The following CTIF variants were observed in gnomAD, a reference collection of about 807,000 sequenced individuals.
CTIF encodes the protein cap binding complex dependent translation initiation factor, also known as CBP80/20-dependent translation initiation factor.
Under a neutral mutation model 66.0 loss-of-function variants are expected in CTIF, and 21 were observed. The ratio of observed to expected loss-of-function variants is 0.32; its 90% CI spans 0.23 to 0.46. CTIF has a LOEUF of 0.46. Ranked by LOEUF, CTIF falls within the 20% of genes least tolerant of loss-of-function variation. CTIF has a pLI of 1.00. For missense variants in CTIF, 739 were observed against 812.7 expected (o/e 0.91, Z 1.10); for synonymous variants, 345 against 326.4 (o/e 1.06, Z -0.62).
intron 7 of CTIF, among the ~76,000 whole-genome samples, chr18:48,753,293 A>T (rs934495623): frequency 7.2e-5 from 11 of 152,258 alleles, no homozygotes; most frequent in African/African-American, 2.7e-4. Flanking sequence ...CGACATGGAG[A>T]GAACCATAAT....
chr18:48,713,050 C>A (rs1459121683), intron 7 of CTIF, among the ~76,000 whole-genome samples: 3 of 152,200 alleles, frequency 2.0e-5, no homozygotes, highest in African/African-American at 4.8e-5. Flanking sequence ...CCTGCCTTGA[C>A]CAGAGTACAG....
intron 6 of CTIF, among the ~76,000 whole-genome samples, chr18:48,690,372 G>A (rs943284692): frequency 2.0e-5 from 3 of 152,062 alleles, no homozygotes; most frequent in Admixed American, 2.0e-4. Flanking sequence ...CCTACAAAGT[G>A]CACACATCTA....
intron 9 of CTIF, among the ~76,000 whole-genome samples, chr18:48,775,582 C>G (rs1484687030): frequency 1.3e-5 from 2 of 152,260 alleles, no homozygotes; most frequent in Admixed American, 6.5e-5. Flanking sequence ...GTTCCCTGAG[C>G]TCAGTACTGT....
chr18:48,681,800 T>G (rs1452177542), intron 6 of CTIF, among the ~76,000 whole-genome samples: 1 of 151,642 alleles, frequency 6.6e-6, no homozygotes, highest in Non-Finnish European at 1.5e-5. Flanking sequence ...TTGTTTGTTT[T>G]TTGAGATGGT....
At chr18:48,809,415 A>C (rs1303456640) in intron 9 of CTIF, among the ~76,000 whole-genome samples, 4 of 152,140 alleles carry the variant, frequency 2.6e-5, no homozygotes, top group Non-Finnish European at 5.9e-5. Flanking sequence ...CCTGATACTA[A>C]GTCATCCATG....
intron 1 of CTIF, among the ~76,000 whole-genome samples, chr18:48,558,363 G>C (rs1172777700): frequency 2.6e-5 from 4 of 152,236 alleles, no homozygotes; most frequent in Non-Finnish European, 4.4e-5. Context: ...TAATGTTACA[G>C]TTGGTACACG....
chr18:48,581,205 T>G (rs2089648718), intron 1 of CTIF, among the ~76,000 whole-genome samples: 1 of 151,750 alleles, frequency 6.6e-6, no homozygotes, highest in Non-Finnish European at 1.5e-5. Flanking sequence ...TTTGATGTTT[T>G]TTTTTGTTTT....
chr18:48,656,636 G>T (rs2091251181), intron 3 of CTIF, among the ~76,000 whole-genome samples: 1 of 152,142 alleles, frequency 6.6e-6, no homozygotes, highest in South Asian at 2.1e-4. Context: ...TTATCCCTCT[G>T]TGATCTGTTC....
intron 7 of CTIF, among the ~76,000 whole-genome samples, chr18:48,732,528 C>A (rs1352894810): frequency 6.6e-6 from 1 of 152,228 alleles, no homozygotes; most frequent in East Asian, 1.9e-4. Flanking sequence ...CCTGGAGAAG[C>A]TGCTGCAAAG....
intron 10 of CTIF, among the ~76,000 whole-genome samples, chr18:48,842,738 T>G (rs2068975181): frequency 6.6e-6 from 1 of 152,236 alleles, no homozygotes; most frequent in Admixed American, 6.5e-5. Flanking sequence ...AACCTTCCGT[T>G]GATGTGGGTT....
intron 1 of CTIF, among the ~76,000 whole-genome samples, chr18:48,589,443 C>T (rs1400608363): frequency 1.3e-5 from 2 of 152,198 alleles, no homozygotes; most frequent in Non-Finnish European, 2.9e-5. Context: ...GACCCCAGTC[C>T]CTGGATTAGG....
At chr18:48,842,074 CA>C (rs1029041590) in intron 10 of CTIF, among the ~76,000 whole-genome samples, 14 of 151,940 alleles carry the variant, frequency 9.2e-5, no homozygotes, top group African/African-American at 3.4e-4. Context: ...TTGGTCCTGC[CA>C]GGGGGTGGGA....
At chr18:48,819,465 G>A (rs1240674323) in intron 10 of CTIF, among the ~76,000 whole-genome samples, 4 of 152,206 alleles carry the variant, frequency 2.6e-5, no homozygotes, top group Non-Finnish European at 5.9e-5. Context: ...TCCTGGTGTT[G>A]TCGTCACCTG....
intron 7 of CTIF, among the ~76,000 whole-genome samples, chr18:48,715,126 A>G (rs960672331): frequency 1.3e-5 from 2 of 152,104 alleles, no homozygotes; most frequent in Non-Finnish European, 2.9e-5. Flanking sequence ...CCCTACCCAC[A>G]CTGTCAGAGG....
intron 1 of CTIF, among the ~76,000 whole-genome samples, chr18:48,591,844 C>T (rs1356095033): frequency 1.3e-5 from 2 of 152,216 alleles, no homozygotes; most frequent in African/African-American, 4.8e-5. Context: ...AGCTCCTGGG[C>T]TCAAGCAATC....
At chr18:48,613,955 C>A (rs937700606) in intron 1 of CTIF, among the ~76,000 whole-genome samples, 1 of 152,210 alleles carries the variant, frequency 6.6e-6, no homozygotes, top group Non-Finnish European at 1.5e-5. Context: ...CTGCTGCTTG[C>A]CTTTTAGTTC....
At chr18:48,693,039 A>C (rs905170262) in intron 6 of CTIF, among the ~76,000 whole-genome samples, 1 of 152,222 alleles carries the variant, frequency 6.6e-6, no homozygotes, top group East Asian at 1.9e-4. Context: ...AGATGAACCA[A>C]CTGATTAGAT....
intron 9 of CTIF, among the ~76,000 whole-genome samples, chr18:48,805,564 C>T (rs1274319232): frequency 1.3e-5 from 2 of 152,102 alleles, no homozygotes; most frequent in Non-Finnish European, 2.9e-5. Context: ...TGCGGAATGT[C>T]GTGGCCTTAC....
intron 1 of CTIF, among the ~76,000 whole-genome samples, chr18:48,608,647 G>A (rs529453174): frequency 2.6e-5 from 4 of 152,348 alleles, no homozygotes; most frequent in African/African-American, 9.6e-5. Flanking sequence ...TCGAACGTGA[G>A]CCAGTTCTGC....
Sources: gnomAD v4.1 joint callset for allele counts (sites outside exome capture counted in the v4.1 genomes callset) on GRCh38, gnomAD v4.1.1 for gene constraint, MANE v1.5 for transcripts, NCBI Gene and HGNC (gene_info 2026-07-23, HGNC 2026-07-21) for gene names.